Variants in FKBP15 observed in about 807,000 individuals in gnomAD.
The protein encoded by FKBP15 is FKBP prolyl isomerase family member 15, also known as FK506-binding protein 15.
FKBP15 carries 106 observed loss-of-function variants against 158.1 expected under a neutral mutation model. That is an observed-to-expected ratio of 0.67 (90% CI 0.57 to 0.79). FKBP15 has a LOEUF of 0.79. FKBP15 is among the 30% of genes least tolerant of loss of function. The pLI is 0.00. For missense variants in FKBP15, 1,287 were observed against 1,479.1 expected (o/e 0.87, Z 2.13); for synonymous variants, 547 against 548.6 (o/e 1.00, Z 0.04).
chr9:113,176,899 C>T (rs1048829146), intron 20 of FKBP15, among the ~76,000 whole-genome samples: 1 of 152,160 alleles, frequency 6.6e-6, no homozygotes, highest in Non-Finnish European at 1.5e-5. Flanking sequence ...CAGGCGTGAG[C>T]CCCTGCGCCT....
Position 113,193,547 on chromosome 9 carries a change from TC to T in FKBP15, c.1009del (p.Glu337SerfsTer17). The T allele has an allele frequency of 6.3e-7, 1 of 1,597,172 alleles. No individual in the cohort carries two copies. Among genetic ancestry groups the T allele is most frequent in the South Asian group, 1.1e-5 (1 of 88,160 alleles). On this transcript the variant is annotated frameshift_variant and splice_region_variant, in exon 11 of 28. Coordinates refer to ENST00000238256, the MANE Select transcript of FKBP15 (RefSeq NM_015258.2). LOFTEE classifies it high-confidence loss of function. ...PPTSIPFKSG[E>X]PALRTKSNSL... is the part of the protein sequence containing the mutation. ...GTTAGATTTGGTACGAAGAGCTGGC[TC>T]CCTGAAAGCAAATAGACCATATTCC...
At chr9:113,173,657 T>C in intron 22 of FKBP15, 52 bp from the exon 23 acceptor site, 3 of 1,578,812 alleles carry the variant, frequency 1.9e-6, no homozygotes, top group Non-Finnish European at 1.7e-6. Flanking sequence ...GGGAGTGAGA[T>C]TCCATTGCAC....
At chr9:113,193,956 C>T in intron 10 of FKBP15, 71 bp downstream of exon 10, 1 of 1,465,534 alleles carries the variant, frequency 6.8e-7, no homozygotes, top group Non-Finnish European at 9.1e-7. Flanking sequence ...AACTATATCT[C>T]TATTTCTGAA....
intron 9 of FKBP15, among the ~76,000 whole-genome samples, chr9:113,194,445 T>TTAATTAAAAAAAAA: frequency 7.8e-6 from 1 of 128,722 alleles, no homozygotes; most frequent in Non-Finnish European, 1.7e-5. Context: ...AAATAATAAA[T>TTAATTAAAAAAAAA]AAATTAAAAA....
intron 22 of FKBP15, 39 bp from the exon 23 acceptor site, chr9:113,173,644 T>C: frequency 3.1e-6 from 5 of 1,593,820 alleles, no homozygotes; most frequent in Non-Finnish European, 4.3e-6. Context: ...TCCTTGGGGG[T>C]GGGGGAGTGA....
intron 1 of FKBP15, among the ~76,000 whole-genome samples, chr9:113,217,842 AAAAAATAAATAAATAAAC>A (rs1408224727): frequency 1.3e-5 from 2 of 152,136 alleles, no homozygotes; most frequent in African/African-American, 4.8e-5. Context: ...CCCTGTCTCA[AAAAAATAAATAAATAAAC>A]AAAAATAAAT....
intron 21 of FKBP15, 36 bp from the exon 22 acceptor site, chr9:113,174,619 G>A (rs370333882): frequency 2.1e-5 from 34 of 1,598,446 alleles, no homozygotes; most frequent in Non-Finnish European, 2.6e-6. Context: ...GCTCTAGCTT[G>A]TTAACAGAGA....
chr9:113,208,681 T>TA (rs1430703746), intron 2 of FKBP15, among the ~76,000 whole-genome samples: 1 of 152,048 alleles, frequency 6.6e-6, no homozygotes, highest in Non-Finnish European at 1.5e-5. Flanking sequence ...TAAAGGAGTA[T>TA]AAAAAATTTA....
intron 27 of FKBP15, among the ~76,000 whole-genome samples, chr9:113,167,688 G>C (rs1830119565): frequency 6.6e-6 from 1 of 152,188 alleles, no homozygotes; most frequent in Admixed American, 6.5e-5. Context: ...CTGTCCTTTA[G>C]ATGGACTGAG....
intron 1 of FKBP15, 116 bp downstream of exon 1, chr9:113,221,075 G>C: frequency 8.7e-7 from 1 of 1,144,538 alleles, no homozygotes; most frequent in Non-Finnish European, 1.2e-6. Context: ...ACCGGAATGT[G>C]GCAAGGGTCT....
At chr9:113,192,933 G>T (rs1480822401) in intron 11 of FKBP15, among the ~76,000 whole-genome samples, 1 of 152,154 alleles carries the variant, frequency 6.6e-6, no homozygotes, top group Non-Finnish European at 1.5e-5. Flanking sequence ...ACTGAGAGAG[G>T]CTCCTCCGTC....
At chr9:113,217,637 T>C (rs1313521735) in intron 1 of FKBP15, among the ~76,000 whole-genome samples, 1 of 151,556 alleles carries the variant, frequency 6.6e-6, no homozygotes, top group African/African-American at 2.4e-5. Flanking sequence ...AGGCCAGGAG[T>C]TCAAGACTAG....
At chr9:113,190,323 T>A (rs562170789) in intron 12 of FKBP15, 148 bp downstream of exon 12, 2 of 673,542 alleles carry the variant, frequency 3.0e-6, no homozygotes, top group African/African-American at 1.8e-5. Context: ...TAGAAACACA[T>A]GTACCAATAC....
intron 9 of FKBP15, among the ~76,000 whole-genome samples, chr9:113,196,609 T>C (rs1587966482): frequency 6.6e-6 from 1 of 152,062 alleles, no homozygotes; most frequent in African/African-American, 2.4e-5. Context: ...GGTCTCGATC[T>C]CCTCACCTCG....
chr9:113,174,628 G>C, intron 21 of FKBP15, 45 bp from the exon 22 acceptor site: 1 of 1,564,496 alleles, frequency 6.4e-7, no homozygotes, highest in Non-Finnish European at 8.7e-7. Flanking sequence ...TGTTAACAGA[G>C]AATAAAGAGG....
At chr9:113,182,536 C>T (rs553480848) in intron 19 of FKBP15, among the ~76,000 whole-genome samples, 11 of 152,280 alleles carry the variant, frequency 7.2e-5, no homozygotes, top group African/African-American at 1.2e-4. Flanking sequence ...TAATTCTTAA[C>T]TAATCAAATT....
chr9:113,193,509 G>T lies in FKBP15; in HGVS notation c.1048C>A (p.Gln350Lys). The T allele has an allele frequency of 6.3e-7, 1 of 1,597,720 alleles. No homozygotes were observed. The highest frequency in any genetic ancestry group is 8.5e-7 in the Non-Finnish European group (1 of 1,171,442). Residue 350 changes from glutamine to lysine, a missense_variant, in exon 11 of 28, where the codon CAA becomes AAA. By Grantham distance (53) the Gln-to-Lys change is moderately conservative. Transcript: ENST00000238256. ...LRTKSNSLSE[Q>K]LAINTSPDAV... ...ATACTTACTGTATTTATTGCAAGTT[G>T]TTCACTGAGGGAGTTAGATTTGGTA...
chr9:113,204,023 A>G (rs1830841925), intron 4 of FKBP15, among the ~76,000 whole-genome samples: 2 of 152,062 alleles, frequency 1.3e-5, no homozygotes, highest in Non-Finnish European at 2.9e-5. Context: ...GTTTATGAAC[A>G]TTTGAGTTGT....
At chr9:113,210,418 C>T (rs1480934721) in intron 2 of FKBP15, among the ~76,000 whole-genome samples, 1 of 150,128 alleles carries the variant, frequency 6.7e-6, no homozygotes, top group Non-Finnish European at 1.5e-5. Context: ...CTGCAACCTC[C>T]GCCTCCCGGC....
Sources: allele counts gnomAD v4.1 joint callset (sites outside exome capture counted in the v4.1 genomes callset), GRCh38; gene constraint gnomAD v4.1.1; transcripts MANE v1.5; gene names NCBI Gene and HGNC (gene_info 2026-07-23, HGNC 2026-07-21).